FSTL5: variants seen among roughly 807,000 people sequenced by gnomAD.
FSTL5 encodes the protein follistatin like 5.
Under a neutral mutation model 89.1 loss-of-function variants are expected in FSTL5, and 62 were observed. The observed-to-expected ratio is 0.70, with a 90% CI of 0.57 to 0.86. The LOEUF is 0.86. Ranked by LOEUF, FSTL5 falls within the 40% of genes least tolerant of loss-of-function variation. The pLI is 0.00. For synonymous variants in FSTL5, 383 were observed against 346.2 expected, an observed-to-expected ratio of 1.11 and a Z score of -1.18; for missense variants, 1,057 against 1,001.6, an observed-to-expected ratio of 1.06 and a Z score of -0.75.
At chr4:162,059,954 C>A (rs1465267388) in intron 2 of FSTL5, among the ~76,000 whole-genome samples, 1 of 152,132 alleles carries the variant, frequency 6.6e-6, no homozygotes, top group Non-Finnish European at 1.5e-5. Flanking sequence ...TGTTAAACTG[C>A]TGACTTGGAT....
intron 3 of FSTL5, among the ~76,000 whole-genome samples, chr4:161,974,889 A>C (rs1365407048): frequency 5.9e-5 from 9 of 151,984 alleles, no homozygotes; most frequent in Non-Finnish European, 1.0e-4. Context: ...CTACAATGAA[A>C]TCAAACAAAT....
At chr4:161,721,285 A>AAAC (rs1739202538) in intron 6 of FSTL5, among the ~76,000 whole-genome samples, 1 of 41,418 alleles carries the variant, frequency 2.4e-5, no homozygotes, top group Non-Finnish European at 8.2e-5. Context: ...ACTCCGTCTC[A>AAAC]AAAAAAAAAA....
At chr4:162,038,981 C>A (rs1737845551) in intron 2 of FSTL5, among the ~76,000 whole-genome samples, 1 of 151,714 alleles carries the variant, frequency 6.6e-6, no homozygotes, top group Admixed American at 6.6e-5. Context: ...ACAGATAATA[C>A]CCACAAATAC....
intron 5 of FSTL5, among the ~76,000 whole-genome samples, chr4:161,772,061 T>C (rs1271749816): frequency 6.6e-6 from 1 of 152,160 alleles, no homozygotes; most frequent in African/African-American, 2.4e-5. Context: ...CTTTATCCAC[T>C]GATTTTTTTA....
At chr4:161,740,553 T>C (rs1337691612) in intron 6 of FSTL5, among the ~76,000 whole-genome samples, 2 of 152,286 alleles carry the variant, frequency 1.3e-5, no homozygotes, top group East Asian at 1.9e-4. Context: ...AGAAGCATAG[T>C]TGAGACAAAA....
chr4:161,903,733 T>C (rs1733438183), intron 4 of FSTL5, among the ~76,000 whole-genome samples: 1 of 151,496 alleles, frequency 6.6e-6, no homozygotes, highest in African/African-American at 2.4e-5. Flanking sequence ...AGTAAGCCAC[T>C]TGGAGGGATA....
chr4:161,472,115 T>A (rs995083292), intron 13 of FSTL5, among the ~76,000 whole-genome samples: 3 of 152,082 alleles, frequency 2.0e-5, no homozygotes, highest in Non-Finnish European at 4.4e-5. Flanking sequence ...TAGCTGGGAC[T>A]ACAGGTGCTG....
intron 2 of FSTL5, among the ~76,000 whole-genome samples, chr4:162,074,246 T>C (rs1729744066): frequency 2.0e-5 from 3 of 151,834 alleles, no homozygotes; most frequent in Admixed American, 6.6e-5. Flanking sequence ...GTTAGCTACA[T>C]TTATTATTTT....
intron 6 of FSTL5, among the ~76,000 whole-genome samples, chr4:161,663,781 T>G (rs1245747842): frequency 3.3e-5 from 5 of 152,216 alleles, no homozygotes; most frequent in Non-Finnish European, 2.9e-5. Flanking sequence ...CCTTCCACAG[T>G]GCCCTAGCAG....
chr4:161,502,587 C>A (rs1456326879), intron 11 of FSTL5, among the ~76,000 whole-genome samples: 2 of 151,826 alleles, frequency 1.3e-5, no homozygotes, highest in Admixed American at 1.3e-4. Flanking sequence ...ATACTGGTAA[C>A]TCAGCTTATG....
chr4:161,906,303 A>C (rs1231575732), intron 4 of FSTL5, among the ~76,000 whole-genome samples: 1 of 152,164 alleles, frequency 6.6e-6, no homozygotes, highest in Non-Finnish European at 1.5e-5. Flanking sequence ...GAACAACGGC[A>C]CCATTGGAAT....
rs775960273 is a variant in FSTL5, at chr4:161,759,509, C to T, written c.629G>A (p.Gly210Asp). Residue 210 changes from glycine (G) to aspartate (D), a missense_variant, in exon 6 of 16, where the codon GGC becomes GAC. Around this residue, in one of 3 missense-constraint regions of FSTL5, gnomAD observed 980 missense variants for 903.2 expected, o/e 1.08. Coordinates refer to ENST00000306100, the MANE Select transcript of FSTL5 (RefSeq NM_020116.5). Reference protein sequence around the residue: ...LTQVIKQEELGKDLFDCTLYV... With the variant: ...LTQVIKQEELDKDLFDCTLYV... ...CAAAGTACAATCAAAGAGATCCTTG[C>T]CAAGTTCTTCCTGTTTTATCACCTA... 1 of 1,563,152 alleles carries T rather than the reference C, an allele frequency of 6.4e-7. No homozygotes were observed. Among genetic ancestry groups the T allele is most frequent in the East Asian group, 2.4e-5 (1 of 42,124 alleles).
chr4:161,474,645 A>C (rs1472676798), intron 13 of FSTL5, among the ~76,000 whole-genome samples: 1 of 151,220 alleles, frequency 6.6e-6, no homozygotes, highest in Non-Finnish European at 1.5e-5. Context: ...TCCCAGGTTC[A>C]AGTGATTCTC....
intron 4 of FSTL5, among the ~76,000 whole-genome samples, chr4:161,877,072 T>C (rs1405482300): frequency 6.6e-6 from 1 of 151,048 alleles, no homozygotes; most frequent in Non-Finnish European, 1.5e-5. Flanking sequence ...TAATCCCAGC[T>C]ACTCGGGCGG....
At chr4:161,517,194 A>C (rs1387611222) in intron 10 of FSTL5, among the ~76,000 whole-genome samples, 1 of 152,134 alleles carries the variant, frequency 6.6e-6, no homozygotes, top group Non-Finnish European at 1.5e-5. Flanking sequence ...TGGCCAACCC[A>C]GCTTAGTTTT....
At chr4:161,827,599 T>G (rs1218413741) in intron 4 of FSTL5, among the ~76,000 whole-genome samples, 4 of 152,142 alleles carry the variant, frequency 2.6e-5, no homozygotes, top group Non-Finnish European at 5.9e-5. Flanking sequence ...GTGTCTGAGC[T>G]CAGACTCTCC....
chr4:161,483,202 T>C (rs541616236), intron 12 of FSTL5, among the ~76,000 whole-genome samples: 5 of 152,324 alleles, frequency 3.3e-5, no homozygotes, highest in African/African-American at 9.6e-5. Flanking sequence ...ATATACTGAA[T>C]GTCAAGGACA....
intron 3 of FSTL5, among the ~76,000 whole-genome samples, chr4:161,973,358 G>C (rs1735539464): frequency 6.6e-6 from 1 of 152,134 alleles, no homozygotes; most frequent in Non-Finnish European, 1.5e-5. Context: ...AAGTGTAAGA[G>C]AAACTAGAAG....
chr4:161,834,678 A>G (rs565863051), intron 4 of FSTL5, among the ~76,000 whole-genome samples: 1 of 152,280 alleles, frequency 6.6e-6, no homozygotes, highest in East Asian at 1.9e-4. Flanking sequence ...AGAGAGCCAA[A>G]TCATGAGTGA....
Sources: gnomAD v4.1 joint callset for allele counts (sites outside exome capture counted in the v4.1 genomes callset) on GRCh38, gnomAD v4.1.1 for gene constraint, gnomAD v4.1.1 regional missense constraint, MANE v1.5 for transcripts, NCBI Gene and HGNC (gene_info 2026-07-23, HGNC 2026-07-21) for gene names.